Variants in GOPC observed in about 807,000 individuals in gnomAD.
The protein encoded by GOPC is golgi associated PDZ and coiled-coil motif containing.
In GOPC, 32 loss-of-function variants were observed where a neutral mutation model predicts 51.2. The ratio of observed to expected loss-of-function variants is 0.63; its 90% CI spans 0.47 to 0.84. The LOEUF is 0.84. Among genes scored for constraint, GOPC ranks in the 40% least tolerant of loss-of-function variants. GOPC has a pLI of 0.00. For missense variants in GOPC, 441 were observed against 555.5 expected, an observed-to-expected ratio of 0.79 and a Z score of 2.07; for synonymous variants, 190 against 205.1, an observed-to-expected ratio of 0.93 and a Z score of 0.63.
At chr6:117,567,872 T>G (rs1779729733) in intron 7 of GOPC, among the ~76,000 whole-genome samples, 1 of 151,972 alleles carries the variant, frequency 6.6e-6, no homozygotes, top group Non-Finnish European at 1.5e-5. Flanking sequence ...CTGTCATTCT[T>G]TAACAATGAA....
At position 117,562,576 on chromosome 6, in the gene GOPC, GTAA is replaced by G. The variant is rs1208720873; in HGVS notation, c.*675_*677del. On this transcript the variant is annotated 3_prime_UTR_variant, in exon 9 of 9. Coordinates refer to ENST00000368498, the MANE Select transcript of GOPC (RefSeq NM_020399.4). ...GCATTTCTTTTAAAAAACAAAAAAAGTAAAATGTTTAGTAACTTTTGAGAATCT... is the reference window on the plus strand; with the variant it reads ...GCATTTCTTTTAAAAAACAAAAAAAGAATGTTTAGTAACTTTTGAGAATCT... 5.0e-6 allele frequency: 1 copy of G among 201,918 alleles called. No homozygotes were observed. The highest frequency in any genetic ancestry group is 2.3e-5 in the African/African-American group (1 of 43,598). The allele number at this position is 201,918 out of a possible 1,614,324, so 12.5% of individuals were successfully genotyped here. A position where few individuals can be genotyped will look rare whatever the true frequency, so the allele number is the denominator to read the frequency against.
intron 6 of GOPC, among the ~76,000 whole-genome samples, chr6:117,570,111 T>C (rs560467141): frequency 6.6e-6 from 1 of 152,170 alleles, no homozygotes; most frequent in South Asian, 2.1e-4. Context: ...CAATGTAGAA[T>C]TGAAAAAATG....
intron 1 of GOPC, among the ~76,000 whole-genome samples, chr6:117,595,603 TCCTCCTAG>T (rs1000331348): frequency 2.6e-5 from 4 of 152,314 alleles, no homozygotes; most frequent in African/African-American, 9.6e-5. Context: ...TGCCTTTGCA[TCCTCCTAG>T]CTTAGCTCCC....
chr6:117,580,785 C>T (rs1779945671), intron 1 of GOPC, among the ~76,000 whole-genome samples: 1 of 152,116 alleles, frequency 6.6e-6, no homozygotes, highest in Admixed American at 6.5e-5. Flanking sequence ...GACAAGGACA[C>T]AGTAGCAACG....
chr6:117,578,087 C>A (rs1779908279), intron 2 of GOPC, among the ~76,000 whole-genome samples: 1 of 152,076 alleles, frequency 6.6e-6, no homozygotes, highest in African/African-American at 2.4e-5. Flanking sequence ...CTTACACACT[C>A]AAAACATATG....
chr6:117,597,442 G>A (rs1780213429), intron 1 of GOPC, among the ~76,000 whole-genome samples: 2 of 152,126 alleles, frequency 1.3e-5, no homozygotes, highest in Admixed American at 6.6e-5. Flanking sequence ...AGTGGTGAAG[G>A]GGGGCACATT....
chr6:117,573,949 C>A (rs1230514038), intron 4 of GOPC, among the ~76,000 whole-genome samples: 1 of 152,096 alleles, frequency 6.6e-6, no homozygotes, highest in African/African-American at 2.4e-5. Flanking sequence ...CATGCAAAGT[C>A]ACTGAACTCA....
chr6:117,560,784 C>T lies in GOPC; in HGVS notation c.*2470G>A, dbSNP rs756065488. The stretch of plus-strand genomic sequence containing the variant: ...ATACAACCCTCACATTTTATTAAAA[C>T]GTTTTCTCAACCATTCTGTTTGTGT... On this transcript the variant is annotated 3_prime_UTR_variant, in exon 9 of 9. Coordinates refer to ENST00000368498, the MANE Select transcript of GOPC (RefSeq NM_020399.4). 4.7e-5 allele frequency: 10 copies of T among 210,624 alleles called. No individual in the cohort carries two copies. Among genetic ancestry groups the T allele is most frequent in the Admixed American group, 1.2e-4 (2 of 16,992 alleles). 13.0% of individuals were successfully genotyped at this position (210,624 alleles called of 1,614,324 possible).
At chr6:117,584,690 G>T (rs1780005579) in intron 1 of GOPC, among the ~76,000 whole-genome samples, 1 of 151,000 alleles carries the variant, frequency 6.6e-6, no homozygotes, top group Non-Finnish European at 1.5e-5. Context: ...ATATAGTTTG[G>T]ATGCCCGTCC....
chr6:117,563,944 TAA>T (rs1434501668), intron 8 of GOPC, among the ~76,000 whole-genome samples: 1 of 151,852 alleles, frequency 6.6e-6, no homozygotes, highest in African/African-American at 2.4e-5. Context: ...AAAATTGTAT[TAA>T]GTTTCCTATC....
In GOPC at chr6:117,563,305, A is replaced by G. The variant is rs1293474669; in HGVS notation, c.1338T>C (p.Gly446=). The change falls in exon 9 of 9, where the codon GGT becomes GGC. Residue 446 remains glycine (G), a synonymous_variant. Coordinates refer to ENST00000368498, the MANE Select transcript of GOPC (RefSeq NM_020399.4). ...GTASETPLDD[G]ASKLDDLHTL... ...TGTGCAGATCATCTAATTTTGAAGC[A>G]CCGTCATCTAGCGGAGTTTCACTTG... 2 of 1,612,632 alleles carry G rather than the reference A, an allele frequency of 1.2e-6. No homozygotes were observed. Among genetic ancestry groups the G allele is most frequent in the Non-Finnish European group, 1.7e-6 (2 of 1,178,766 alleles).
Position 117,602,178 on chromosome 6 carries a change from C to T in GOPC, c.111G>A (p.Leu37=), listed in dbSNP as rs564388366. 1 of 1,613,068 alleles carries T rather than the reference C, an allele frequency of 6.2e-7. No individual in the cohort carries two copies. The highest frequency in any genetic ancestry group is 1.7e-5 in the Admixed American group (1 of 60,032). The change falls in exon 1 of 9, where the codon CTG becomes CTA. Residue 37 remains leucine (L), a synonymous_variant. Transcript: ENST00000368498. ...CAAAAGCTTTGTCGAACTCCTTCTCCAGCACCTCCAGCCACCGGAACATGG... is the reference window on the plus strand; with the variant it reads ...CAAAAGCTTTGTCGAACTCCTTCTCTAGCACCTCCAGCCACCGGAACATGG... ...GVSMFRWLEV[L]EKEFDKAFVD... is the part of the protein sequence containing the mutation.
rs1048606524 is a variant in GOPC, at chr6:117,560,666, T to C, written c.*2588A>G. The C allele has an allele frequency of 1.5e-5, 3 of 196,480 alleles. No individual in the cohort carries two copies. The highest frequency in any genetic ancestry group is 3.2e-5 in the Non-Finnish European group (3 of 94,506). The allele number at this position is 196,480 out of a possible 1,614,324, so 12.2% of individuals were successfully genotyped here. ...TCTCAAATTTATTTTAACAATAGTC[T>C]CACCACCAAAATGTTGCTTTTCCAT... On this transcript the variant is annotated 3_prime_UTR_variant, in exon 9 of 9. Transcript: ENST00000368498.
intron 2 of GOPC, 114 bp from the exon 3 acceptor site, chr6:117,577,585 A>G (rs1041228424): frequency 1.3e-6 from 1 of 743,848 alleles, no homozygotes; most frequent in African/African-American, 1.8e-5. Flanking sequence ...ATTTGGGTAA[A>G]GTTCATTAGA....
At chr6:117,600,241 C>CA (rs1449602951) in intron 1 of GOPC, among the ~76,000 whole-genome samples, 1 of 152,180 alleles carries the variant, frequency 6.6e-6, no homozygotes, top group Non-Finnish European at 1.5e-5. Flanking sequence ...CATGCTTACT[C>CA]AGGTCTTTCT....
chr6:117,584,345 C>T (rs1272762047), intron 1 of GOPC, among the ~76,000 whole-genome samples: 1 of 152,162 alleles, frequency 6.6e-6, no homozygotes, highest in Non-Finnish European at 1.5e-5. Context: ...CAAGACTGCC[C>T]CATTCTTTTC....
At chr6:117,599,311 A>G (rs1333501193) in intron 1 of GOPC, among the ~76,000 whole-genome samples, 2 of 152,252 alleles carry the variant, frequency 1.3e-5, no homozygotes, top group East Asian at 3.8e-4. Flanking sequence ...AATTAAAACA[A>G]TAGAACAAAT....
rs1307679049 is a variant in GOPC at position 117,602,335 on chromosome 6, C to T, written c.-47G>A. 1 of 1,505,954 alleles carries T rather than the reference C, an allele frequency of 6.6e-7. No individual in the cohort carries two copies. Among genetic ancestry groups the T allele is most frequent in the South Asian group, 1.3e-5 (1 of 79,446 alleles). The allele number at this position is 1,505,954 out of a possible 1,614,324, so 93.3% of individuals were successfully genotyped here. ...CGACTGCTGAAGACCCTCGCCGCCC[C>T]CCGCGCACGAAGGGAACTGCTGGGA... On this transcript the variant is annotated 5_prime_UTR_variant, in exon 1 of 9. Transcript: ENST00000368498.
chr6:117,573,972 T>G (rs993127343), intron 4 of GOPC, among the ~76,000 whole-genome samples: 6 of 152,186 alleles, frequency 3.9e-5, no homozygotes, highest in Admixed American at 3.9e-4. Context: ...TACTATTAAA[T>G]GTTAGCTTTT....
Sources: allele counts gnomAD v4.1 joint callset (sites outside exome capture counted in the v4.1 genomes callset), GRCh38; gene constraint gnomAD v4.1.1; transcripts MANE v1.5; gene names NCBI Gene and HGNC (gene_info 2026-07-23, HGNC 2026-07-21).